The following NSD2 variants were observed in gnomAD, a reference collection of about 807,000 sequenced individuals.
The protein encoded by NSD2 is nuclear receptor binding SET domain protein 2, also known as histone-lysine N-methyltransferase NSD2.
In NSD2, 12 loss-of-function variants were observed where a neutral mutation model predicts 139.0. That is an observed-to-expected ratio of 0.09 (90% CI 0.06 to 0.14). NSD2 has a LOEUF of 0.14. NSD2 is among the 10% of genes least tolerant of loss of function. The pLI is 1.00. For missense variants in NSD2, 1,155 were observed against 1,745.0 expected, an observed-to-expected ratio of 0.66 and a Z score of 6.02; for synonymous variants, 669 against 648.7, an observed-to-expected ratio of 1.03 and a Z score of -0.48.
intron 16 of NSD2, among the ~76,000 whole-genome samples, chr4:1,959,151 A>G (rs1400514987): frequency 1.3e-5 from 2 of 152,182 alleles, no homozygotes; most frequent in Non-Finnish European, 2.9e-5. Context: ...TAAGCAATCA[A>G]CACGCTTTTT....
chr4:1,917,320 C>T (rs1415748609), intron 4 of NSD2, among the ~76,000 whole-genome samples: 1 of 152,042 alleles, frequency 6.6e-6, no homozygotes, highest in African/African-American at 2.4e-5. Context: ...TACACACACA[C>T]AGACAGAGGG....
intron 5 of NSD2, among the ~76,000 whole-genome samples, chr4:1,928,895 G>A (rs1160916831): frequency 6.6e-6 from 1 of 152,118 alleles, no homozygotes; most frequent in Non-Finnish European, 1.5e-5. Flanking sequence ...GGGAGTGAGT[G>A]GGCTCATGGA....
Position 1,974,759 on chromosome 4 carries a change from C to G in NSD2, c.3373-104C>G, listed in dbSNP as rs1726891713. ...CAGGACACCACGGTTTTCAGTACAACAAGGAACACAACTTGTTCAATGTGC... is the reference window on the plus strand; with the variant it reads ...CAGGACACCACGGTTTTCAGTACAAGAAGGAACACAACTTGTTCAATGTGC... On this transcript the variant is annotated intron_variant, in intron 18 of 21. Coordinates refer to ENST00000508803, the MANE Select transcript of NSD2 (RefSeq NM_001042424.3). This position sits in a 1 kb window ranked among gnomAD's most constrained non-coding sequence, Gnocchi z 4.0. The G allele has an allele frequency of 6.5e-7, 1 of 1,529,780 alleles. No individual in the cohort carries two copies. The highest frequency in any genetic ancestry group is 9.0e-7 in the Non-Finnish European group (1 of 1,109,334). The allele number at this position is 1,529,780 out of a possible 1,614,324, so 94.8% of individuals were successfully genotyped here.
chr4:1,927,810 G>A (rs972920110), intron 5 of NSD2, among the ~76,000 whole-genome samples: 1 of 147,936 alleles, frequency 6.8e-6, no homozygotes, highest in Non-Finnish European at 1.5e-5. Flanking sequence ...CTAATTTGTA[G>A]AGTCTCCAAT....
In NSD2 at chr4:1,948,340, G is replaced by T; in HGVS notation, c.1882-2732G>T. The stretch of plus-strand genomic sequence containing the variant: ...GTAGATGTTGTAGACTGAGATTTGG[G>T]ACTATGTTGGGACCGTACAGGTGAA... On this transcript the variant is annotated intron_variant, in intron 9 of 21. Coordinates refer to ENST00000508803, the MANE Select transcript of NSD2 (RefSeq NM_001042424.3). The surrounding 1 kb of genome is among the most constrained non-coding windows in gnomAD (Gnocchi z 4.5). The T allele has an allele frequency of 9.4e-7, 1 of 1,066,000 alleles. No individual in the cohort carries two copies. The highest frequency in any genetic ancestry group is 1.1e-6 in the Non-Finnish European group (1 of 878,724). 66.0% of individuals were successfully genotyped at this position (1,066,000 alleles called of 1,614,324 possible). A position where few individuals can be genotyped will look rare whatever the true frequency, so the allele number is the denominator to read the frequency against.
chr4:1,949,135 G>A (rs1302299732), intron 9 of NSD2, among the ~76,000 whole-genome samples: 1 of 152,222 alleles, frequency 6.6e-6, no homozygotes, highest in Non-Finnish European at 1.5e-5. Flanking sequence ...CTCCACTGCT[G>A]AGTCCATATC....
rs1349267386 is a variant in NSD2 at position 1,954,364 on chromosome 4, CCTCTT to C, written c.2339-796_2339-792del. On this transcript the variant is annotated intron_variant, in intron 12 of 21. Coordinates refer to ENST00000508803, the MANE Select transcript of NSD2 (RefSeq NM_001042424.3). ...TTGAACTATTAGGCCACTGCTCTGA[CCTCTT>C]TTCTTTTTTTTGAGACAGGGTCTCC... Among the ~76,000 whole-genome samples the C allele has an allele frequency of 9.9e-5, 15 of 151,984 alleles. No individual in the cohort carries two copies. The East Asian group carries it at 2.9e-3, about 29-fold the overall frequency.
At chr4:1,926,790 G>C (rs10027958) in intron 5 of NSD2, among the ~76,000 whole-genome samples, 14,259 of 152,162 alleles carry the variant, frequency 0.094, 2,070 homozygotes, top group African/African-American at 0.31. Context: ...ATTTTTAAAG[G>C]CTTTTCTACC....
intron 9 of NSD2, among the ~76,000 whole-genome samples, chr4:1,949,270 G>A (rs533089521): frequency 6.6e-6 from 1 of 152,256 alleles, no homozygotes; most frequent in African/African-American, 2.4e-5. Context: ...CAGTGACAGA[G>A]CCTTAAAGTG....
At chr4:1,947,680 G>A in intron 9 of NSD2, 1 of 1,054,738 alleles carries the variant, frequency 9.5e-7, no homozygotes, top group South Asian at 4.6e-5. Flanking sequence ...GTTGTCATTT[G>A]TAAACGCAAA....
At position 1,918,371 on chromosome 4, in the gene NSD2, C is replaced by A; in HGVS notation, c.1158C>A (p.Asn386Lys). 6.2e-7 allele frequency: 1 copy of A among 1,614,072 alleles called. No individual in the cohort carries two copies. Reference sequence around the variant, plus strand: ...GAGTCAGTGAAGAAGCTGCTGAAAACCCCAAGTCTGTGAGAGAAGAGTGCA... The same window carrying A: ...GAGTCAGTGAAGAAGCTGCTGAAAAACCCAAGTCTGTGAGAGAAGAGTGCA... ...SSGVSEEAAE[N>K]PKSVREECIP... The change falls in exon 5 of 22, where the codon AAC becomes AAA. Residue 386 changes from asparagine to lysine, a missense_variant. Physicochemically the swap from Asn to Lys is moderately conservative, Grantham distance 94 (BLOSUM62 0). Transcript: ENST00000508803.
intron 8 of NSD2, 110 bp downstream of exon 8, chr4:1,938,642 G>A: frequency 1.2e-6 from 1 of 815,270 alleles, no homozygotes; most frequent in Non-Finnish European, 1.9e-6. Context: ...AGGGGAACAG[G>A]GCAGGGGAGG....
intron 1 of NSD2, among the ~76,000 whole-genome samples, chr4:1,877,918 C>T (rs527333950): frequency 2.6e-5 from 4 of 152,102 alleles, no homozygotes; most frequent in South Asian, 2.1e-4. Context: ...GATCCTGGTG[C>T]TTTATGAAGC....
rs1268385816 is a variant in NSD2 at position 1,942,230 on chromosome 4, C to T, written c.1881+2452C>T. 5 of 1,522,646 alleles carry T rather than the reference C, an allele frequency of 3.3e-6. No individual in the cohort carries two copies. The highest frequency in any genetic ancestry group is 4.4e-6 in the Non-Finnish European group (5 of 1,139,298). 94.3% of individuals were successfully genotyped at this position (1,522,646 alleles called of 1,614,324 possible). On this transcript the variant is annotated intron_variant, in intron 9 of 21. Coordinates refer to ENST00000508803, the MANE Select transcript of NSD2 (RefSeq NM_001042424.3). This position sits in a 1 kb window ranked among gnomAD's most constrained non-coding sequence, Gnocchi z 4.0. ...AGAATAAATTAAAATTACACACTTGCATGACAAAGGCCTGTGAAGGAATTA... is the reference window on the plus strand; with the variant it reads ...AGAATAAATTAAAATTACACACTTGTATGACAAAGGCCTGTGAAGGAATTA...
chr4:1,898,780 A>G (rs1716768964), intron 1 of NSD2, among the ~76,000 whole-genome samples: 1 of 149,292 alleles, frequency 6.7e-6, no homozygotes, highest in Non-Finnish European at 1.5e-5. Context: ...ATTTGGGCAG[A>G]GTTTATAGGC....
At position 1,978,770 on chromosome 4, in the gene NSD2, G is replaced by A. The variant is rs773117985; in HGVS notation, c.3959G>A (p.Arg1320Gln). The A allele has an allele frequency of 3.7e-6, 6 of 1,613,918 alleles. No homozygotes were observed. Among genetic ancestry groups the A allele is most frequent in the Middle Eastern group, 1.6e-4 (1 of 6,084 alleles). The change falls in exon 22 of 22, where the codon CGG becomes CAG. Residue 1320 changes from arginine (R) to glutamine (Q), a missense_variant. This residue lies in a region of NSD2 where 132 missense variants were observed against 94.3 expected (regional missense o/e 1.40). Coordinates refer to ENST00000508803, the MANE Select transcript of NSD2 (RefSeq NM_001042424.3). ...GCCTTCAGCTGCACCCCGGACGGGC[G>A]GTCCTACTGCTGTGAGCATGACTTA... ...GTAFSCTPDG[R>Q]SYCCEHDLGA...
At chr4:1,946,604 A>G (rs1723661566) in intron 9 of NSD2, 1 of 1,027,582 alleles carries the variant, frequency 9.7e-7, no homozygotes, top group African/African-American at 1.7e-5. Context: ...ATTCTGATTC[A>G]TATTTTAGGA....
intron 1 of NSD2, among the ~76,000 whole-genome samples, chr4:1,887,989 C>T (rs1715242193): frequency 6.6e-6 from 1 of 152,012 alleles, no homozygotes; most frequent in African/African-American, 2.4e-5. Flanking sequence ...TATTCTGCTG[C>T]ACAGCTGTTC....
chr4:1,877,613 G>A (rs1277520174), intron 1 of NSD2, among the ~76,000 whole-genome samples: 3 of 152,124 alleles, frequency 2.0e-5, no homozygotes, highest in Non-Finnish European at 4.4e-5. Context: ...CACACTGAAT[G>A]CTGTGCCTGA....
Sources: gnomAD v4.1 joint callset for allele counts (sites outside exome capture counted in the v4.1 genomes callset) on GRCh38, gnomAD v4.1.1 for gene constraint, gnomAD v4.1.1 regional missense constraint, Gnocchi (gnomAD v3.1) non-coding constraint, MANE v1.5 for transcripts, NCBI Gene and HGNC (gene_info 2026-07-23, HGNC 2026-07-21) for gene names.